Variants in JHY observed in about 807,000 individuals in gnomAD.
The protein encoded by JHY is junctional cadherin complex regulator.
A neutral mutation model predicts 78.0 loss-of-function variants in JHY; 69 were observed. The observed-to-expected ratio is 0.88, with a 90% CI of 0.73 to 1.08. The LOEUF (loss-of-function observed/expected upper bound fraction) is 1.08. Among genes scored for constraint, JHY ranks in the 50% least tolerant of loss-of-function variants. The probability of loss-of-function intolerance (pLI) is 0.00; values close to 1 mark genes in which losing one functional copy is unlikely to be tolerated. For synonymous variants in JHY, 368 were observed against 342.6 expected, an observed-to-expected ratio of 1.07 and a Z score of -0.82; for missense variants, 944 against 927.8, an observed-to-expected ratio of 1.02 and a Z score of -0.23.
In JHY at chr11:122,886,049, A is replaced by G. The variant is rs759768642; in HGVS notation, c.200A>G (p.Asn67Ser). 6.2e-7 allele frequency: 1 copy of G among 1,614,196 alleles called. No individual in the cohort carries two copies. The highest frequency in any genetic ancestry group is 2.2e-5 in the East Asian group (1 of 44,880). The part of the protein sequence containing the change: ...HSEFDDRIRG[N>S]GMEPDSLDEE... ...GAGTTTGATGATCGAATCCGGGGCA[A>G]CGGTATGGAGCCCGACAGCTTAGAC... The change falls in exon 2 of 9, where the codon AAC (asparagine) becomes AGC (serine). Residue 67 changes from asparagine (N) to serine (S), a missense_variant. By Grantham distance (46) the Asn-to-Ser change is conservative (BLOSUM62 1). Coordinates refer to ENST00000227349, the MANE Select transcript of JHY (RefSeq NM_024806.4).
chr11:122,942,374 C>A (rs1863891513), intron 5 of JHY, among the ~76,000 whole-genome samples: 1 of 152,062 alleles, frequency 6.6e-6, no homozygotes, highest in Admixed American at 6.6e-5. Flanking sequence ...ATATTTACTT[C>A]TTTTCTTTGA....
At chr11:122,934,057 T>A (rs532075755) in intron 4 of JHY, among the ~76,000 whole-genome samples, 62 of 152,268 alleles carry the variant, frequency 4.1e-4, no homozygotes, top group African/African-American at 1.4e-3. Context: ...AGGCTTATAA[T>A]CCTAAATTTC....
At chr11:122,912,254 T>C (rs893742446) in intron 3 of JHY, among the ~76,000 whole-genome samples, 26 of 143,992 alleles carry the variant, frequency 1.8e-4, no homozygotes, top group African/African-American at 6.8e-4. Flanking sequence ...GCCACTGCAC[T>C]CCAGCCTAGG....
At position 122,959,881 on chromosome 11, in the gene JHY, T is replaced by C. The variant is rs1864275405; in HGVS notation, c.*436T>C. The C allele has an allele frequency of 6.3e-6, 1 of 157,988 alleles. No homozygotes were observed. The highest frequency in any genetic ancestry group is 1.4e-5 in the Non-Finnish European group (1 of 72,316). The allele number at this position is 157,988 out of a possible 1,614,324, so 9.8% of individuals were successfully genotyped here. A position where few individuals can be genotyped will look rare whatever the true frequency, so the allele number is the denominator to read the frequency against. ...TAAAATGAACTCAGTCATCCATAAA[T>C]TTTGTGATAACATTTCAAAATATTA... On this transcript the variant is annotated 3_prime_UTR_variant, in exon 9 of 9. Transcript: ENST00000227349.
chr11:122,902,636 G>A (rs765266524), intron 2 of JHY, among the ~76,000 whole-genome samples: 7 of 152,092 alleles, frequency 4.6e-5, no homozygotes, highest in Non-Finnish European at 8.8e-5. Flanking sequence ...AGGAAACCTC[G>A]GGAAACTTAC....
chr11:122,959,300 A>T lies in JHY; in HGVS notation c.2192A>T (p.His731Leu). The T allele has an allele frequency of 6.2e-7, 1 of 1,614,212 alleles. No individual in the cohort carries two copies. Among genetic ancestry groups the T allele is most frequent in the Non-Finnish European group, 8.5e-7 (1 of 1,180,036 alleles). Residue 731 changes from histidine (H) to leucine (L), a missense_variant, in exon 9 of 9, where the codon CAT becomes CTT. By Grantham distance (99) the His-to-Leu change is moderately conservative. Transcript: ENST00000227349. ...AAACCCAAACCATCAAATCTGACTC[A>T]TCAAGCATCAAAGGAACAAAAAAAT... is the stretch of plus-strand genomic sequence containing the variant. ...IPKPKPSNLT[H>L]QASKEQKNPT...
chr11:122,900,765 G>A (rs1161289370), intron 2 of JHY, among the ~76,000 whole-genome samples: 10 of 152,108 alleles, frequency 6.6e-5, no homozygotes, highest in African/African-American at 9.7e-5. Context: ...TCAGTGAGCC[G>A]TGATCTGGTC....
intron 5 of JHY, among the ~76,000 whole-genome samples, chr11:122,942,986 C>A (rs1863903833): frequency 6.6e-6 from 1 of 152,012 alleles, no homozygotes; most frequent in Admixed American, 6.6e-5. Context: ...GTGATGCTCC[C>A]ACCTCAGGCT....
At chr11:122,939,447 T>G (rs1371011815) in intron 5 of JHY, among the ~76,000 whole-genome samples, 2 of 152,206 alleles carry the variant, frequency 1.3e-5, no homozygotes, top group Non-Finnish European at 2.9e-5. Context: ...AGATTCCACT[T>G]TTTTGAGTCT....
At chr11:122,936,801 T>C (rs1863766603) in intron 5 of JHY, among the ~76,000 whole-genome samples, 1 of 152,234 alleles carries the variant, frequency 6.6e-6, no homozygotes, top group African/African-American at 2.4e-5. Context: ...TGAAGTGAAA[T>C]TGGCTTATAA....
At chr11:122,929,451 AG>A (rs1469508522) in intron 4 of JHY, among the ~76,000 whole-genome samples, 1 of 152,102 alleles carries the variant, frequency 6.6e-6, no homozygotes, top group Admixed American at 6.5e-5. Context: ...ATCCGGGCAA[AG>A]GTGTGAAAGT....
Position 122,934,345 on chromosome 11 carries a change from TAAATAAATAA to T in JHY, c.979-74_979-65del, listed in dbSNP as rs1565328265. On this transcript the variant is annotated intron_variant, in intron 4 of 8. Transcript: ENST00000227349. The stretch of plus-strand genomic sequence containing the variant: ...ATAAATAAATAAATAAATAAATAAA[TAAATAAATAA>T]TAAAATAAAATTTGTGAAGAGTGCC... 177 of 721,470 alleles carry T rather than the reference TAAATAAATAA, an allele frequency of 2.5e-4. 1 individual carries two copies. Among genetic ancestry groups the T allele is most frequent in the Middle Eastern group, 1.5e-3 (3 of 2,028 alleles). The allele number at this position is 721,470 out of a possible 1,614,324, so 44.7% of individuals were successfully genotyped here.
At chr11:122,909,284 G>C (rs1443767908) in intron 3 of JHY, among the ~76,000 whole-genome samples, 1 of 152,164 alleles carries the variant, frequency 6.6e-6, no homozygotes, top group East Asian at 1.9e-4. Flanking sequence ...CCAGTACGGA[G>C]GACAATTTGT....
chr11:122,901,232 G>A (rs1457794726), intron 2 of JHY, among the ~76,000 whole-genome samples: 1 of 152,112 alleles, frequency 6.6e-6, no homozygotes, highest in South Asian at 2.1e-4. Flanking sequence ...TTTTTAAATG[G>A]TACACCTATA....
chr11:122,929,155 G>C (rs768823154), intron 4 of JHY, among the ~76,000 whole-genome samples: 6 of 150,336 alleles, frequency 4.0e-5, no homozygotes, highest in Non-Finnish European at 5.9e-5. Flanking sequence ...TCGAACTCCT[G>C]ACCTCAGGTG....
chr11:122,943,674 C>G (rs1039280137), intron 5 of JHY, among the ~76,000 whole-genome samples: 2 of 152,104 alleles, frequency 1.3e-5, no homozygotes, highest in Non-Finnish European at 2.9e-5. Flanking sequence ...CTGATGAATT[C>G]TTCTTTTAAT....
Position 122,948,459 on chromosome 11 carries a change from A to AATCATAATC in JHY, c.1929+1669_1929+1670insCATAATCAT, listed in dbSNP as rs1439535577. On this transcript the variant is annotated intron_variant, in intron 6 of 8. Transcript: ENST00000227349. ...ACTTTGTCTTAATAATAATAATAAT[A>AATCATAATC]ATAATAATAATAATAATAATGATTT... 1.9e-3 allele frequency among the ~76,000 whole-genome samples: 289 copies of AATCATAATC among 148,888 alleles called. 1 individual carries two copies. The highest frequency in any genetic ancestry group is 6.7e-3 in the African/African-American group (271 of 40,654).
Position 122,946,785 on chromosome 11 carries a change from G to A in JHY, c.1922G>A (p.Ser641Asn). The A allele has an allele frequency of 6.2e-7, 1 of 1,608,068 alleles. No individual in the cohort carries two copies. ...GGAAAAAAGCATAAGAAAAGAAGCA[G>A]CAGTAAGGTAATAAAAGCGCCATTT... ...EKGKKHKKRSSSKNTKLKGYQ... is the reference protein window; with the variant it reads ...EKGKKHKKRSNSKNTKLKGYQ... The change falls in exon 6 of 9, where the codon AGC (serine) becomes AAC (asparagine). Residue 641 changes from serine to asparagine, a missense_variant. Transcript: ENST00000227349.
At position 122,961,814 on chromosome 11, in the gene JHY, A is replaced by G. The variant is rs993252833; in HGVS notation, c.*2369A>G. ...AAATAAAGAATAAAGTTGAAAAAAAATGAAGGTACATCTGGCTGTGCCTGC... is the reference window on the plus strand; with the variant it reads ...AAATAAAGAATAAAGTTGAAAAAAAGTGAAGGTACATCTGGCTGTGCCTGC... On this transcript the variant is annotated 3_prime_UTR_variant, in exon 9 of 9. Transcript: ENST00000227349. 5.9e-5 allele frequency among the ~76,000 whole-genome samples: 9 copies of G among 152,244 alleles called. No homozygotes were observed. Among genetic ancestry groups the G allele is most frequent in the Non-Finnish European group, 1.3e-4 (9 of 68,046 alleles).
Sources: allele counts gnomAD v4.1 joint callset (sites outside exome capture counted in the v4.1 genomes callset), GRCh38; gene constraint gnomAD v4.1.1; transcripts MANE v1.5; gene names NCBI Gene and HGNC (gene_info 2026-07-23, HGNC 2026-07-21).